HACE1: variants seen among roughly 807,000 people sequenced by gnomAD.
The protein encoded by HACE1 is HECT domain and ankyrin repeat containing E3 ubiquitin protein ligase 1.
In HACE1, 73 loss-of-function variants were observed where a neutral mutation model predicts 118.4. That is an observed-to-expected ratio of 0.62 (90% confidence interval 0.51 to 0.75). The LOEUF is 0.75. Ranked by LOEUF, HACE1 falls within the 30% of genes least tolerant of loss-of-function variation. The pLI, the probability that HACE1 is intolerant of heterozygous loss-of-function variation, is 0.00. For synonymous variants in HACE1, 368 were observed against 374.8 expected, an observed-to-expected ratio of 0.98 and a Z score of 0.21; for missense variants, 749 against 1,102.2, an observed-to-expected ratio of 0.68 and a Z score of 4.54.
chr6:104,811,073 T>C (rs961077449), intron 7 of HACE1, among the ~76,000 whole-genome samples: 1 of 151,702 alleles, frequency 6.6e-6, no homozygotes, highest in Non-Finnish European at 1.5e-5. Context: ...CTTTTCCTCA[T>C]ACAGTTAAGT....
rs556806902 is a variant in HACE1 at position 104,838,335 on chromosome 6, G to A, written c.402+4888C>T. ...CTACAGAGCTATAGTAACCAAAACAGCATGTTACTGGTATAAAAACAGACA... is the reference window on the plus strand; with the variant it reads ...CTACAGAGCTATAGTAACCAAAACAACATGTTACTGGTATAAAAACAGACA... On this transcript the variant is annotated intron_variant, in intron 5 of 23. Coordinates refer to ENST00000262903, the MANE Select transcript of HACE1 (RefSeq NM_020771.4). Among the ~76,000 whole-genome samples the A allele has an allele frequency of 1.6e-3, 250 of 152,208 alleles. 3 individuals carry two copies. Among genetic ancestry groups the A allele is most frequent in the Non-Finnish European group, 2.7e-3 (185 of 68,000 alleles).
At chr6:104,758,904 G>A (rs201849427) in intron 19 of HACE1, among the ~76,000 whole-genome samples, 1 of 151,630 alleles carries the variant, frequency 6.6e-6, no homozygotes, top group East Asian at 1.9e-4. Flanking sequence ...TTGCAATCCT[G>A]GTCTCTGATA....
rs370049285 is a variant in HACE1 at position 104,745,455 on chromosome 6, C to CTTTTTTTTTT, written c.2344-846_2344-845insAAAAAAAAAA. ...TGATGATTCAGAATATCAGGATTTC[C>CTTTTTTTTTT]TTTTTTTTTGAGACCGAGTCTGGCT... On this transcript the variant is annotated intron_variant, in intron 20 of 23. Transcript: ENST00000262903. 9.5e-4 allele frequency among the ~76,000 whole-genome samples: 126 copies of CTTTTTTTTTT among 131,988 alleles called. 6 individuals carry two copies. The highest frequency in any genetic ancestry group is 2.3e-3 in the African/African-American group (75 of 32,332). 86.6% of individuals were successfully genotyped at this position (131,988 alleles called of 152,430 possible).
At chr6:104,744,057 T>G in intron 22 of HACE1, 103 bp downstream of exon 22, 1 of 766,164 alleles carries the variant, frequency 1.3e-6, no homozygotes, top group South Asian at 1.5e-5. Flanking sequence ...GGTGGTAAGT[T>G]ACTGACAATT....
chr6:104,784,160 T>C lies in HACE1; in HGVS notation c.1492A>G (p.Ile498Val), dbSNP rs1009326527. ...KCFVNRNPKI[I>V]FDHFHFLLEC... ...AGGAGAAAGTGAAAGTGGTCAAATA[T>C]AATTTTGGGATTTCTAAAAGAAAAA... Residue 498 changes from isoleucine (I) to valine (V), a missense_variant, in exon 14 of 24, where the codon ATA becomes GTA. By Grantham distance (29) the Ile-to-Val change is conservative (BLOSUM62 3). Transcript: ENST00000262903. The C allele has an allele frequency of 2.5e-6, 4 of 1,584,388 alleles. No homozygotes were observed. The highest frequency in any genetic ancestry group is 3.5e-6 in the Non-Finnish European group (4 of 1,153,034).
chr6:104,755,387 C>A (rs936578020), intron 19 of HACE1, among the ~76,000 whole-genome samples: 2 of 152,120 alleles, frequency 1.3e-5, no homozygotes, highest in African/African-American at 4.8e-5. Flanking sequence ...AGAAATTTAA[C>A]AAAGATATTC....
At chr6:104,758,493 A>G (rs1003678498) in intron 19 of HACE1, among the ~76,000 whole-genome samples, 1 of 152,210 alleles carries the variant, frequency 6.6e-6, no homozygotes, top group Admixed American at 6.5e-5. Flanking sequence ...CCAGACAAGC[A>G]AATGCTGAGA....
chr6:104,840,847 C>T (rs1582732938), intron 5 of HACE1, among the ~76,000 whole-genome samples: 1 of 152,304 alleles, frequency 6.6e-6, no homozygotes, highest in East Asian at 1.9e-4. Context: ...CCTGAAATCC[C>T]AGCTACTCAG....
Position 104,728,711 on chromosome 6 carries a change from T to C in HACE1, c.*951A>G, listed in dbSNP as rs1774898517. 1 of 152,156 alleles carries C rather than the reference T, an allele frequency of 6.6e-6. No homozygotes were observed. The highest frequency in any genetic ancestry group is 1.5e-5 in the Non-Finnish European group (1 of 68,010). 9.4% of individuals were successfully genotyped at this position (152,156 alleles called of 1,614,324 possible). On this transcript the variant is annotated 3_prime_UTR_variant, in exon 24 of 24. Coordinates refer to ENST00000262903, the MANE Select transcript of HACE1 (RefSeq NM_020771.4). ...ATGCTGTAACTATTCAAGTACGTCT[T>C]TTCAAAATAAAACTGATTAACCACC...
intron 11 of HACE1, among the ~76,000 whole-genome samples, chr6:104,790,430 T>A (rs1022517224): frequency 6.6e-6 from 1 of 152,208 alleles, no homozygotes; most frequent in African/African-American, 2.4e-5. Context: ...ATAAATAACC[T>A]ATATTTTATA....
At chr6:104,811,094 T>G (rs1482004745) in intron 7 of HACE1, among the ~76,000 whole-genome samples, 2 of 151,644 alleles carry the variant, frequency 1.3e-5, no homozygotes, top group Admixed American at 1.3e-4. Flanking sequence ...AATAGAACCA[T>G]AACACTTCAT....
chr6:104,858,457 T>C (rs1047540955), intron 1 of HACE1: 4 of 384,814 alleles, frequency 1.0e-5, no homozygotes, highest in African/African-American at 6.5e-5. Context: ...TCCCAACACT[T>C]TGGGGGGAGC....
intron 11 of HACE1, among the ~76,000 whole-genome samples, chr6:104,787,668 A>C (rs773201515): frequency 7.9e-5 from 12 of 152,334 alleles, no homozygotes; most frequent in Middle Eastern, 3.4e-3. Flanking sequence ...AACGCAAGAA[A>C]TGACACAGGC....
chr6:104,771,086 T>G (rs772935492), intron 19 of HACE1, 107 bp downstream of exon 19: 1 of 781,866 alleles, frequency 1.3e-6, no homozygotes. Context: ...GCTATGATAC[T>G]GTAATAGTAA....
At chr6:104,747,055 C>T (rs1419646627) in intron 20 of HACE1, among the ~76,000 whole-genome samples, 2 of 151,316 alleles carry the variant, frequency 1.3e-5, no homozygotes, top group East Asian at 3.9e-4. Context: ...CTAAACTGAC[C>T]AAAAACAAAC....
intron 7 of HACE1, among the ~76,000 whole-genome samples, chr6:104,802,451 G>T (rs1015183008): frequency 6.6e-6 from 1 of 152,100 alleles, no homozygotes; most frequent in Non-Finnish European, 1.5e-5. Flanking sequence ...TTCTAAAATT[G>T]ACCACATAAT....
At chr6:104,763,278 T>C (rs565314606) in intron 19 of HACE1, among the ~76,000 whole-genome samples, 96 of 152,030 alleles carry the variant, frequency 6.3e-4, no homozygotes, top group African/African-American at 2.2e-3. Context: ...GTTTTCAGAG[T>C]AGTAAAAAAA....
rs1777916874 is a variant in HACE1 at position 104,750,429 on chromosome 6, G to A, written c.2255C>T (p.Ala752Val). The A allele has an allele frequency of 6.2e-7, 1 of 1,612,380 alleles. No individual in the cohort carries two copies. Among genetic ancestry groups the A allele is most frequent in the South Asian group, 1.1e-5 (1 of 91,052 alleles). Residue 752 changes from alanine (A) to valine (V), a missense_variant, in exon 20 of 24, where the codon GCC (alanine) becomes GTC (valine). Ala to Val is a moderately conservative substitution (Grantham distance 64). This residue lies in a region of HACE1 where 165 missense variants were observed against 229.9 expected (regional missense o/e 0.72). Transcript: ENST00000262903. ...QLVTELRMTR[A>V]IQPQINAFLQ... is the part of the protein sequence containing the mutation. Reference sequence around the variant, plus strand: ...AAAAGCATTGATCTGAGGCTGAATGGCTCTTGTCATTCGAAGTTCAGTAAC... The same window carrying A: ...AAAAGCATTGATCTGAGGCTGAATGACTCTTGTCATTCGAAGTTCAGTAAC...
intron 20 of HACE1, among the ~76,000 whole-genome samples, chr6:104,749,211 A>G: frequency 6.6e-6 from 1 of 152,166 alleles, no homozygotes; most frequent in East Asian, 1.9e-4. Flanking sequence ...AGGAAAAGCC[A>G]TATTGCAGTC....
Sources: allele counts gnomAD v4.1 joint callset (sites outside exome capture counted in the v4.1 genomes callset), GRCh38; gene constraint gnomAD v4.1.1; regional missense constraint gnomAD v4.1.1; transcripts MANE v1.5; gene names NCBI Gene and HGNC (gene_info 2026-07-23, HGNC 2026-07-21).